Variants in DCDC1 observed in about 807,000 individuals in gnomAD.
The protein encoded by DCDC1 is doublecortin domain-containing protein 1.
DCDC1 carries 200 observed loss-of-function variants against 178.3 expected under a neutral mutation model. The ratio of observed to expected loss-of-function variants is 1.12; its 90% CI spans 1.00 to 1.26. The LOEUF (loss-of-function observed/expected upper bound fraction) is 1.26, where lower values mean the gene tolerates loss of function less well. DCDC1 is among the 50% of genes most tolerant of loss of function. DCDC1 has a pLI of 0.00. For synonymous variants in DCDC1, 690 were observed against 604.8 expected (o/e 1.14, Z -2.07); for missense variants, 1,983 against 1,749.2 (o/e 1.13, Z -2.38).
At chr11:31,008,437 T>C (rs767062074) in intron 20 of DCDC1, among the ~76,000 whole-genome samples, 39 of 151,982 alleles carry the variant, frequency 2.6e-4, no homozygotes, top group Non-Finnish European at 5.0e-4. Flanking sequence ...AAAAGAGGGA[T>C]GGAGCAAGTG....
At chr11:31,074,271 C>A (rs376137307) in intron 18 of DCDC1, among the ~76,000 whole-genome samples, 2 of 152,070 alleles carry the variant, frequency 1.3e-5, no homozygotes, top group Non-Finnish European at 2.9e-5. Flanking sequence ...TTTGGAGTTA[C>A]GGGAAGCTGT....
At chr11:30,986,951 C>T (rs996312631) in intron 20 of DCDC1, among the ~76,000 whole-genome samples, 1 of 152,092 alleles carries the variant, frequency 6.6e-6, no homozygotes, top group Admixed American at 6.5e-5. Flanking sequence ...CCTACTGTCC[C>T]TAAGAAAAAT....
At chr11:31,239,808 A>G (rs1976899296) in intron 9 of DCDC1, among the ~76,000 whole-genome samples, 1 of 151,842 alleles carries the variant, frequency 6.6e-6, no homozygotes, top group Non-Finnish European at 1.5e-5. Context: ...ATCAATTTTG[A>G]GTCATAAAGA....
At chr11:31,158,821 T>C (rs762146690) in intron 9 of DCDC1, among the ~76,000 whole-genome samples, 15 of 152,204 alleles carry the variant, frequency 9.9e-5, no homozygotes, top group African/African-American at 1.4e-4. Context: ...TGACTTGTAG[T>C]GAGTGTTCTG....
At chr11:31,114,078 T>C (rs1959464848) in intron 11 of DCDC1, among the ~76,000 whole-genome samples, 1 of 152,132 alleles carries the variant, frequency 6.6e-6, no homozygotes, top group African/African-American at 2.4e-5. Flanking sequence ...TCCTGGAAGC[T>C]CTTTCCATAC....
At chr11:31,210,798 A>C (rs964117809) in intron 9 of DCDC1, among the ~76,000 whole-genome samples, 4 of 152,140 alleles carry the variant, frequency 2.6e-5, no homozygotes, top group African/African-American at 9.7e-5. Flanking sequence ...ATCTTTTCAT[A>C]TATTAATTCA....
chr11:30,981,382 G>T (rs1950387377), intron 20 of DCDC1, among the ~76,000 whole-genome samples: 1 of 152,084 alleles, frequency 6.6e-6, no homozygotes, highest in African/African-American at 2.4e-5. Flanking sequence ...CTGCTATAAA[G>T]ATTAAACAAA....
intron 20 of DCDC1, among the ~76,000 whole-genome samples, chr11:31,042,426 T>C (rs1954522579): frequency 6.6e-6 from 1 of 152,200 alleles, no homozygotes; most frequent in South Asian, 2.1e-4. Flanking sequence ...AGTCCCAAAG[T>C]CATTTTTAAA....
intron 20 of DCDC1, among the ~76,000 whole-genome samples, chr11:31,020,596 A>AT (rs1202922012): frequency 6.6e-6 from 1 of 152,074 alleles, no homozygotes; most frequent in Non-Finnish European, 1.5e-5. Flanking sequence ...TTATTTTATA[A>AT]TTTTTTAAAA....
At chr11:30,916,011 G>A (rs913292700) in intron 26 of DCDC1, among the ~76,000 whole-genome samples, 27 of 152,112 alleles carry the variant, frequency 1.8e-4, no homozygotes, top group South Asian at 4.1e-4. Flanking sequence ...AATTTAAAGA[G>A]GAAAAAGTAA....
At chr11:30,951,095 T>A (rs905379228) in intron 21 of DCDC1, among the ~76,000 whole-genome samples, 2 of 152,050 alleles carry the variant, frequency 1.3e-5, no homozygotes, top group African/African-American at 4.8e-5. Flanking sequence ...GTGATAATTT[T>A]CCAGAAATTC....
chr11:31,354,695 G>C lies in DCDC1; in HGVS notation c.-125+15002C>G, dbSNP rs186468707. ...CCTTTTTATTCCCTTCTCCAATTCA[G>C]TAGGATAGGGAAAAATGATTTAGGA... On this transcript the variant is annotated intron_variant, in intron 1 of 38. Transcript: ENST00000684477. 3.9e-5 allele frequency among the ~76,000 whole-genome samples: 6 copies of C among 152,244 alleles called. No individual in the cohort carries two copies. In the East Asian group the frequency reaches 1.2e-3, roughly 29 times the overall value.
At chr11:31,177,319 AAAAAAAGCTTAGCACCAC>A (rs932615906) in intron 9 of DCDC1, among the ~76,000 whole-genome samples, 8 of 152,072 alleles carry the variant, frequency 5.3e-5, no homozygotes, top group Admixed American at 5.2e-4. Flanking sequence ...AGTAGGGGGA[AAAAAAAGCTTAGCACCAC>A]AGAAAACCAC....
chr11:30,993,344 T>C (rs796400490), intron 20 of DCDC1, among the ~76,000 whole-genome samples: 31 of 152,088 alleles, frequency 2.0e-4, no homozygotes, highest in African/African-American at 7.2e-4. Context: ...TTGAAGGAAA[T>C]TAACAGCATT....
At chr11:31,078,027 C>T in intron 17 of DCDC1, 102 bp from the exon 18 acceptor site, 2 of 685,358 alleles carry the variant, frequency 2.9e-6, no homozygotes, top group Middle Eastern at 2.4e-4. Flanking sequence ...GGCAGGAGGA[C>T]TGCCCACACT....
chr11:30,987,406 T>C (rs1197979249), intron 20 of DCDC1, among the ~76,000 whole-genome samples: 3 of 152,170 alleles, frequency 2.0e-5, no homozygotes, highest in Non-Finnish European at 4.4e-5. Flanking sequence ...CCAGAAACTG[T>C]TCTGGGCACT....
intron 6 of DCDC1, among the ~76,000 whole-genome samples, chr11:31,301,390 A>C (rs904120864): frequency 6.6e-6 from 1 of 152,252 alleles, no homozygotes; most frequent in Non-Finnish European, 1.5e-5. Flanking sequence ...TGTTTTGGCA[A>C]GACTAAAGCA....
At chr11:30,889,653 G>A (rs1025415921) in intron 36 of DCDC1, among the ~76,000 whole-genome samples, 9 of 152,164 alleles carry the variant, frequency 5.9e-5, no homozygotes, top group Non-Finnish European at 1.0e-4. Flanking sequence ...ACAAAGAATC[G>A]CATGCAAGCC....
At chr11:31,064,952 T>G in intron 19 of DCDC1, 67 bp downstream of exon 19, 3 of 649,282 alleles carry the variant, frequency 4.6e-6, no homozygotes, top group Non-Finnish European at 8.2e-6. Flanking sequence ...AACTTGAACA[T>G]TTTTTCTTTT....
Sources: gnomAD v4.1 joint callset for allele counts (sites outside exome capture counted in the v4.1 genomes callset) on GRCh38, gnomAD v4.1.1 for gene constraint, MANE v1.5 for transcripts, NCBI Gene and HGNC (gene_info 2026-07-23, HGNC 2026-07-21) for gene names.